Variants in GABRB1 observed in about 807,000 individuals in gnomAD.
The protein encoded by GABRB1 is gamma-aminobutyric acid receptor subunit beta-1.
In GABRB1, 17 loss-of-function variants were observed where a neutral mutation model predicts 51.6. The observed-to-expected ratio is 0.33, with a 90% CI of 0.23 to 0.49. GABRB1 has a LOEUF of 0.49. Ranked by LOEUF, GABRB1 falls within the 20% of genes least tolerant of loss-of-function variation. The probability of loss-of-function intolerance (pLI) is 0.99; values close to 1 mark genes in which losing one functional copy is unlikely to be tolerated. For missense variants in GABRB1, 410 were observed against 600.6 expected (o/e 0.68, Z 3.32); for synonymous variants, 247 against 218.9 (o/e 1.13, Z -1.14).
chr4:47,364,383 C>A (rs927881280), intron 5 of GABRB1, among the ~76,000 whole-genome samples: 2 of 151,020 alleles, frequency 1.3e-5, no homozygotes, highest in Non-Finnish European at 2.9e-5. Flanking sequence ...AAAGATCAGA[C>A]AAAGTAGAAG....
intron 4 of GABRB1, among the ~76,000 whole-genome samples, chr4:47,239,463 A>G (rs890747871): frequency 6.6e-6 from 1 of 152,170 alleles, no homozygotes; most frequent in Non-Finnish European, 1.5e-5. Context: ...TTTAGTGGAT[A>G]CTGGCATGTT....
intron 4 of GABRB1, among the ~76,000 whole-genome samples, chr4:47,292,290 T>A (rs566321564): frequency 6.6e-6 from 1 of 152,350 alleles, no homozygotes; most frequent in East Asian, 1.9e-4. Flanking sequence ...CATGTGGAAC[T>A]GTAAGTCCAA....
chr4:47,098,348 T>A (rs995018381), intron 3 of GABRB1, among the ~76,000 whole-genome samples: 7 of 152,152 alleles, frequency 4.6e-5, no homozygotes, highest in South Asian at 2.1e-4. Context: ...GTGTACCTAG[T>A]TTAAAGAGCT....
In GABRB1 at chr4:47,284,497, A is replaced by G. The variant is rs961416553; in HGVS notation, c.462-35630A>G. 3.3e-5 allele frequency among the ~76,000 whole-genome samples: 5 copies of G among 152,264 alleles called. No homozygotes were observed. In the East Asian group the frequency reaches 9.6e-4, roughly 29 times the overall value. On this transcript the variant is annotated intron_variant, in intron 4 of 8. Coordinates refer to ENST00000295454, the MANE Select transcript of GABRB1 (RefSeq NM_000812.4). ...ACTTATTCTCAACACTCTACTATGT[A>G]GACAAGAATATGTCCATTTTATTTC...
intron 1 of GABRB1, among the ~76,000 whole-genome samples, chr4:47,014,862 A>ACTATAT (rs1724698461): frequency 6.6e-6 from 1 of 151,902 alleles, no homozygotes; most frequent in Non-Finnish European, 1.5e-5. Context: ...ACATAAGATG[A>ACTATAT]AGTTTGGGAA....
At chr4:47,396,587 TC>T (rs1464346480) in intron 5 of GABRB1, among the ~76,000 whole-genome samples, 1 of 152,156 alleles carries the variant, frequency 6.6e-6, no homozygotes, top group Non-Finnish European at 1.5e-5. Flanking sequence ...ATAGTTATAT[TC>T]TCTAGACAGA....
chr4:47,168,381 G>A (rs375310370), intron 4 of GABRB1, among the ~76,000 whole-genome samples: 88 of 152,180 alleles, frequency 5.8e-4, no homozygotes, highest in East Asian at 2.3e-3. Context: ...CTGCTAAATC[G>A]TTAACATTCA....
At chr4:46,995,074 CTG>C (rs1275487798) in intron 1 of GABRB1, among the ~76,000 whole-genome samples, 2 of 152,168 alleles carry the variant, frequency 1.3e-5, no homozygotes, top group Non-Finnish European at 2.9e-5. Context: ...TTCTCATAGA[CTG>C]TGGTCTCTCT....
At chr4:47,298,317 A>G (rs1241573113) in intron 4 of GABRB1, among the ~76,000 whole-genome samples, 2 of 152,254 alleles carry the variant, frequency 1.3e-5, no homozygotes, top group Admixed American at 6.5e-5. Context: ...TGCAGATGAC[A>G]TGATTGTGTA....
intron 4 of GABRB1, among the ~76,000 whole-genome samples, chr4:47,172,143 A>G (rs554408237): frequency 5.6e-4 from 86 of 152,316 alleles, no homozygotes; most frequent in Non-Finnish European, 1.1e-3. Flanking sequence ...GCAGCATCCC[A>G]TCATCATTTT....
intron 5 of GABRB1, among the ~76,000 whole-genome samples, chr4:47,328,019 G>A (rs942712161): frequency 6.6e-6 from 1 of 152,152 alleles, no homozygotes; most frequent in Non-Finnish European, 1.5e-5. Flanking sequence ...GGTGTGAGAT[G>A]GTGTCTCATT....
intron 5 of GABRB1, among the ~76,000 whole-genome samples, chr4:47,358,419 TGAGAGAGA>T (rs139057428): frequency 1.6e-3 from 227 of 142,298 alleles, no homozygotes; most frequent in African/African-American, 5.7e-3. Flanking sequence ...AGAGAGAGAG[TGAGAGAGA>T]GAGAGAGAGA....
chr4:47,088,701 T>C (rs1196294057), intron 3 of GABRB1, among the ~76,000 whole-genome samples: 2 of 152,222 alleles, frequency 1.3e-5, no homozygotes, highest in African/African-American at 4.8e-5. Flanking sequence ...GTATTCACTA[T>C]TTAACAAATC....
At chr4:47,290,349 C>A (rs967699316) in intron 4 of GABRB1, among the ~76,000 whole-genome samples, 3 of 152,328 alleles carry the variant, frequency 2.0e-5, no homozygotes, top group African/African-American at 7.2e-5. Context: ...ATGACTTTCA[C>A]TTTCCACCAT....
At chr4:47,060,695 G>C (rs1331884591) in intron 3 of GABRB1, among the ~76,000 whole-genome samples, 1 of 152,080 alleles carries the variant, frequency 6.6e-6, no homozygotes, top group East Asian at 1.9e-4. Context: ...TTCCTGTTAG[G>C]GGATGAGTGT....
In GABRB1 at chr4:47,292,282, T is replaced by C. The variant is rs1267345201; in HGVS notation, c.462-27845T>C. ...CCATGATTGTGAGGCATCCCCAGCA[T>C]GTGGAACTGTAAGTCCAATAAACCT... On this transcript the variant is annotated intron_variant, in intron 4 of 8. Transcript: ENST00000295454. 3.9e-5 allele frequency among the ~76,000 whole-genome samples: 6 copies of C among 152,344 alleles called. No individual in the cohort carries two copies. In the East Asian group the frequency reaches 9.6e-4, roughly 24 times the overall value.
chr4:47,211,266 G>T lies in GABRB1; in HGVS notation c.461+49797G>T, dbSNP rs1406832061. On this transcript the variant is annotated intron_variant, in intron 4 of 8. Coordinates refer to ENST00000295454, the MANE Select transcript of GABRB1 (RefSeq NM_000812.4). ...TCATTCCAGGAGGGTCTCCTAGTGA[G>T]TGGAGCCCAATAGTTTGAAGCAAGA... 2.6e-5 allele frequency among the ~76,000 whole-genome samples: 4 copies of T among 152,178 alleles called. No individual in the cohort carries two copies. The East Asian group carries it at 7.7e-4, about 29-fold the overall frequency.
At chr4:47,073,203 T>C (rs1196219810) in intron 3 of GABRB1, among the ~76,000 whole-genome samples, 2 of 152,198 alleles carry the variant, frequency 1.3e-5, no homozygotes, top group Non-Finnish European at 2.9e-5. Context: ...TCAATGACGT[T>C]GCTGGAAAGA....
At chr4:47,237,716 T>C (rs1007275992) in intron 4 of GABRB1, among the ~76,000 whole-genome samples, 2 of 151,956 alleles carry the variant, frequency 1.3e-5, no homozygotes, top group Admixed American at 6.6e-5. Flanking sequence ...AGAAGATAGA[T>C]AGATGATAGA....
Sources: gnomAD v4.1 joint callset for allele counts (sites outside exome capture counted in the v4.1 genomes callset) on GRCh38, gnomAD v4.1.1 for gene constraint, MANE v1.5 for transcripts, NCBI Gene and HGNC (gene_info 2026-07-23, HGNC 2026-07-21) for gene names.